FANCC: variants seen among roughly 807,000 people sequenced by gnomAD.
FANCC encodes FA complementation group C.
FANCC carries 55 observed loss-of-function variants against 71.3 expected under a neutral mutation model. The ratio of observed to expected loss-of-function variants is 0.77; its 90% confidence interval spans 0.62 to 0.97. The LOEUF (loss-of-function observed/expected upper bound fraction) is 0.97, where lower values mean the gene tolerates loss of function less well. Among genes scored for constraint, FANCC ranks in the 50% least tolerant of loss-of-function variants. The pLI, the probability that FANCC is intolerant of heterozygous loss-of-function variation, is 0.00. For synonymous variants in FANCC, 275 were observed against 244.9 expected (o/e 1.12, Z -1.15); for missense variants, 678 against 670.9 (o/e 1.01, Z -0.12).
intron 7 of FANCC, among the ~76,000 whole-genome samples, chr9:95,143,236 C>T (rs571777806): frequency 6.6e-6 from 1 of 152,330 alleles, no homozygotes; most frequent in South Asian, 2.1e-4. Flanking sequence ...CTTCCAGGCC[C>T]TCTCCAGGCA....
chr9:95,105,171 G>C (rs1047097851), intron 14 of FANCC, among the ~76,000 whole-genome samples: 1 of 152,214 alleles, frequency 6.6e-6, no homozygotes, highest in African/African-American at 2.4e-5. Context: ...CAGCACCTGG[G>C]AGGCACAGCC....
intron 1 of FANCC, among the ~76,000 whole-genome samples, chr9:95,299,072 A>C (rs755531905): frequency 1.9e-4 from 29 of 152,362 alleles, no homozygotes; most frequent in Admixed American, 8.5e-4. Context: ...GTTGACAGAC[A>C]AAAAATACAG....
chr9:95,208,891 T>G (rs1288900744), intron 4 of FANCC, among the ~76,000 whole-genome samples: 2 of 152,118 alleles, frequency 1.3e-5, no homozygotes, highest in Admixed American at 6.5e-5. Flanking sequence ...CTCCTTGATA[T>G]TTACCCAAAA....
chr9:95,288,566 G>A (rs1366353786), intron 1 of FANCC, among the ~76,000 whole-genome samples: 1 of 152,008 alleles, frequency 6.6e-6, no homozygotes, highest in Non-Finnish European at 1.5e-5. Flanking sequence ...GTTCTTATAG[G>A]TCAACTGAGT....
intron 1 of FANCC, among the ~76,000 whole-genome samples, chr9:95,268,165 T>C (rs1832500106): frequency 6.6e-6 from 1 of 152,198 alleles, no homozygotes; most frequent in African/African-American, 2.4e-5. Context: ...TACAGAAACT[T>C]GATGAAAAAG....
chr9:95,263,785 T>C (rs914969796), intron 1 of FANCC, among the ~76,000 whole-genome samples: 3 of 152,142 alleles, frequency 2.0e-5, no homozygotes, highest in African/African-American at 7.2e-5. Context: ...TCGGGGACCC[T>C]GGGCCCTCAG....
At chr9:95,224,259 G>A (rs1382911273) in intron 4 of FANCC, among the ~76,000 whole-genome samples, 1 of 152,092 alleles carries the variant, frequency 6.6e-6, no homozygotes, top group African/African-American at 2.4e-5. Context: ...GAGCTAAAAA[G>A]CCCGAGAGTG....
intron 4 of FANCC, among the ~76,000 whole-genome samples, chr9:95,181,654 T>C (rs1826375409): frequency 6.6e-6 from 1 of 152,174 alleles, no homozygotes; most frequent in Non-Finnish European, 1.5e-5. Flanking sequence ...AGGATGTGGA[T>C]ATAAATGAAC....
chr9:95,203,378 CAA>C (rs55960295), intron 4 of FANCC, among the ~76,000 whole-genome samples: 3 of 104,668 alleles, frequency 2.9e-5, no homozygotes, highest in Non-Finnish European at 3.7e-5. Context: ...GACCCTGTCT[CAA>C]AAAAAAAAAA....
rs533372820 is a variant in FANCC, at chr9:95,165,371, T to C, written c.521+5708A>G. Reference sequence around the variant, plus strand: ...TTTGAGATCCTTCTTATTTTCTTTTTTTTTCTTCCTTCAAAAGCATGTACA... The same window carrying C: ...TTTGAGATCCTTCTTATTTTCTTTTCTTTTCTTCCTTCAAAAGCATGTACA... On this transcript the variant is annotated intron_variant, in intron 6 of 14. Transcript: ENST00000289081. Among the ~76,000 whole-genome samples the C allele has an allele frequency of 2.6e-4, 39 of 152,090 alleles. No individual in the cohort carries two copies. The South Asian group carries it at 6.8e-3, about 27-fold the overall frequency.
chr9:95,181,332 A>G (rs946573868), intron 4 of FANCC, among the ~76,000 whole-genome samples: 1 of 152,192 alleles, frequency 6.6e-6, no homozygotes, highest in African/African-American at 2.4e-5. Context: ...GTATATGGTT[A>G]CGTAGTTTTC....
intron 1 of FANCC, among the ~76,000 whole-genome samples, chr9:95,312,326 G>C (rs1835455588): frequency 6.6e-6 from 1 of 152,174 alleles, no homozygotes; most frequent in Non-Finnish European, 1.5e-5. Flanking sequence ...ATAATAATTT[G>C]AATAAGGAAA....
rs964098605 is a variant in FANCC at position 95,100,570 on chromosome 9, G to T, written c.*1137C>A. On this transcript the variant is annotated 3_prime_UTR_variant, in exon 15 of 15. Transcript: ENST00000289081. Reference sequence around the variant, plus strand: ...TGTACAACCAATACAATTCCAGAATGTCCCTGAAAGGAAAAAGCACCCTGT... The same window carrying T: ...TGTACAACCAATACAATTCCAGAATTTCCCTGAAAGGAAAAAGCACCCTGT... 1.3e-5 allele frequency: 3 copies of T among 231,054 alleles called. No individual in the cohort carries two copies. The highest frequency in any genetic ancestry group is 2.6e-5 in the Non-Finnish European group (3 of 116,680). The allele number at this position is 231,054 out of a possible 1,614,324, so 14.3% of individuals were successfully genotyped here. A position where few individuals can be genotyped will look rare whatever the true frequency, so the allele number is the denominator to read the frequency against.
intron 1 of FANCC, among the ~76,000 whole-genome samples, chr9:95,256,012 C>A (rs959008939): frequency 1.3e-5 from 2 of 151,832 alleles, no homozygotes; most frequent in African/African-American, 4.8e-5. Flanking sequence ...ACAAACTAAG[C>A]CTCCAAGAAA....
intron 13 of FANCC, chr9:95,110,115 T>TCCAAA (rs1336614055): frequency 5.7e-6 from 2 of 349,148 alleles, no homozygotes; most frequent in Non-Finnish European, 8.1e-6. Flanking sequence ...TACGTTCTCA[T>TCCAAA]CCAAAATCCT....
chr9:95,301,844 G>A (rs1253145553), intron 1 of FANCC, among the ~76,000 whole-genome samples: 2 of 151,404 alleles, frequency 1.3e-5, no homozygotes, highest in Admixed American at 6.6e-5. Flanking sequence ...TTGGGAGGCC[G>A]AGGCAGGTGA....
chr9:95,249,739 G>C (rs951409474), intron 1 of FANCC, among the ~76,000 whole-genome samples: 2 of 152,164 alleles, frequency 1.3e-5, no homozygotes, highest in Admixed American at 1.3e-4. Flanking sequence ...AAACATCCAT[G>C]AGTGTTTAAT....
intron 1 of FANCC, among the ~76,000 whole-genome samples, chr9:95,282,941 G>C (rs763142828): frequency 6.6e-6 from 1 of 152,130 alleles, no homozygotes; most frequent in Non-Finnish European, 1.5e-5. Context: ...AATTCTAAGA[G>C]GGAAGTTTAT....
At chr9:95,227,959 G>T (rs916455630) in intron 4 of FANCC, among the ~76,000 whole-genome samples, 14 of 152,082 alleles carry the variant, frequency 9.2e-5, no homozygotes, top group Non-Finnish European at 1.9e-4. Flanking sequence ...TTCCCCTCTG[G>T]AAGCCTCTTA....
Sources: allele counts gnomAD v4.1 joint callset (sites outside exome capture counted in the v4.1 genomes callset), GRCh38; gene constraint gnomAD v4.1.1; transcripts MANE v1.5; gene names NCBI Gene and HGNC (gene_info 2026-07-23, HGNC 2026-07-21).